The following C8orf88 variants were observed in gnomAD, a reference collection of about 807,000 sequenced individuals.
C8orf88 encodes uncharacterized protein C8orf88.
C8orf88 carries 14 observed loss-of-function variants against 18.4 expected under a neutral mutation model. The observed-to-expected ratio is 0.76, with a 90% CI of 0.50 to 1.19. C8orf88 has a LOEUF of 1.19. C8orf88 is among the 50% of genes most tolerant of loss of function. The pLI, the probability that C8orf88 is intolerant of heterozygous loss-of-function variation, is 0.00. For missense variants in C8orf88, 116 were observed against 134.7 expected, an observed-to-expected ratio of 0.86 and a Z score of 0.69; for synonymous variants, 45 against 42.9, an observed-to-expected ratio of 1.05 and a Z score of -0.19.
intron 3 of C8orf88, among the ~76,000 whole-genome samples, chr8:90,975,308 C>T (rs2129261): frequency 0.74 from 111,715 of 151,968 alleles, 42,027 homozygotes; most frequent in African/African-American, 0.84. Context: ...CTATAAAGTG[C>T]AATATTGACA....
At chr8:90,964,035 TA>T (rs1811162240) in intron 4 of C8orf88, among the ~76,000 whole-genome samples, 1 of 151,746 alleles carries the variant, frequency 6.6e-6, no homozygotes, top group Non-Finnish European at 1.5e-5. Flanking sequence ...TGTTTGACTT[TA>T]TGATGATGTG....
chr8:90,964,228 A>G (rs1811164616), intron 4 of C8orf88, among the ~76,000 whole-genome samples: 2 of 151,680 alleles, frequency 1.3e-5, no homozygotes, highest in African/African-American at 4.8e-5. Flanking sequence ...TCACACATAG[A>G]TACATCATAA....
At chr8:90,962,385 C>G (rs547688302) in intron 4 of C8orf88, among the ~76,000 whole-genome samples, 1 of 151,488 alleles carries the variant, frequency 6.6e-6, no homozygotes, top group Non-Finnish European at 1.5e-5. Flanking sequence ...TAAGTGAAGT[C>G]AGGGAAAATA....
At chr8:90,979,394 C>A (rs1198631147) in intron 2 of C8orf88, among the ~76,000 whole-genome samples, 2 of 152,192 alleles carry the variant, frequency 1.3e-5, no homozygotes, top group Admixed American at 6.5e-5. Context: ...CCCTACACAA[C>A]CGCTTCCACT....
chr8:90,960,886 G>A (rs555515264), intron 4 of C8orf88, 38 bp from the exon 5 acceptor site: 4 of 1,217,128 alleles, frequency 3.3e-6, no homozygotes, highest in African/African-American at 3.0e-5. Flanking sequence ...GTTAGGAAAT[G>A]TAGGGCTGTC....
chr8:90,976,026 T>A (rs1255436805), intron 3 of C8orf88, among the ~76,000 whole-genome samples: 1 of 151,696 alleles, frequency 6.6e-6, no homozygotes, highest in South Asian at 2.1e-4. Context: ...ATATACATGA[T>A]ATTTTTCATT....
chr8:90,983,679 A>G (rs1811465222), intron 1 of C8orf88, among the ~76,000 whole-genome samples: 1 of 152,166 alleles, frequency 6.6e-6, no homozygotes, highest in South Asian at 2.1e-4. Flanking sequence ...TGAGCCATAT[A>G]TGAACGGTGG....
At chr8:90,968,441 A>G (rs1219510793) in intron 4 of C8orf88, among the ~76,000 whole-genome samples, 1 of 151,396 alleles carries the variant, frequency 6.6e-6, no homozygotes, top group African/African-American at 2.4e-5. Flanking sequence ...AAAATAGATA[A>G]AAGACCTAAA....
intron 4 of C8orf88, 111 bp downstream of exon 4, chr8:90,970,955 A>G: frequency 1.7e-6 from 1 of 590,190 alleles, no homozygotes; most frequent in Non-Finnish European, 2.7e-6. Flanking sequence ...CAATCAAAAA[A>G]TATATAATAA....
intron 3 of C8orf88, 91 bp downstream of exon 3, chr8:90,978,488 A>G: frequency 1.6e-6 from 1 of 639,540 alleles, no homozygotes; most frequent in Non-Finnish European, 2.5e-6. Flanking sequence ...TATAAAGTAT[A>G]TAAGCATAGT....
intron 4 of C8orf88, among the ~76,000 whole-genome samples, chr8:90,967,695 T>C (rs1393245671): frequency 6.6e-6 from 1 of 151,798 alleles, no homozygotes; most frequent in African/African-American, 2.4e-5. Context: ...TATCTAGTTT[T>C]TGGCATACAA....
chr8:90,973,192 A>C (rs1265693242), intron 3 of C8orf88, among the ~76,000 whole-genome samples: 1 of 152,178 alleles, frequency 6.6e-6, no homozygotes, highest in Non-Finnish European at 1.5e-5. Context: ...AGGGTATCGA[A>C]CTTGGCTTAG....
chr8:90,980,068 T>C (rs1213517544), intron 2 of C8orf88, among the ~76,000 whole-genome samples: 1 of 152,166 alleles, frequency 6.6e-6, no homozygotes, highest in Non-Finnish European at 1.5e-5. Flanking sequence ...CAGTTTGTAC[T>C]GGGAGTATCA....
In C8orf88 at chr8:90,958,946, T is replaced by C. The variant is rs1586158025; in HGVS notation, c.*61A>G. On this transcript the variant is annotated 3_prime_UTR_variant, in exon 6 of 6. Transcript: ENST00000517562. Reference sequence around the variant, plus strand: ...GAATTGTCACAGTCCATTACAGTTATTGTTGCTAGATCCACCTCATTTGCA... The same window carrying C: ...GAATTGTCACAGTCCATTACAGTTACTGTTGCTAGATCCACCTCATTTGCA... 1.0e-6 allele frequency: 1 copy of C among 1,002,822 alleles called. No homozygotes were observed. The highest frequency in any genetic ancestry group is 2.6e-5 in the Admixed American group (1 of 38,774). 62.1% of individuals were successfully genotyped at this position (1,002,822 alleles called of 1,614,324 possible).
intron 4 of C8orf88, among the ~76,000 whole-genome samples, chr8:90,961,621 G>T (rs1237688593): frequency 6.6e-6 from 1 of 151,310 alleles, no homozygotes; most frequent in African/African-American, 2.4e-5. Context: ...ATTTCTACAG[G>T]CTGAAGGGAA....
chr8:90,964,518 G>GTCTTACAA (rs1488447019), intron 4 of C8orf88, among the ~76,000 whole-genome samples: 28 of 151,740 alleles, frequency 1.8e-4, no homozygotes, highest in African/African-American at 6.8e-4. Context: ...AAATGCTAAA[G>GTCTTACAA]GGAATCCTTC....
At chr8:90,975,898 G>A (rs1811341393) in intron 3 of C8orf88, among the ~76,000 whole-genome samples, 1 of 148,660 alleles carries the variant, frequency 6.7e-6, no homozygotes, top group Admixed American at 6.7e-5. Flanking sequence ...TAAACAAACT[G>A]TTGTATATTT....
chr8:90,985,240 G>A (rs1811490337), upstream of C8orf88: 1 of 149,108 alleles, frequency 6.7e-6, no homozygotes, highest in African/African-American at 2.4e-5. Context: ...GACCGCGGTG[G>A]CGGCGGCGGG....
intron 3 of C8orf88, among the ~76,000 whole-genome samples, chr8:90,971,912 T>A (rs1811289583): frequency 6.6e-6 from 1 of 151,986 alleles, no homozygotes; most frequent in African/African-American, 2.4e-5. Context: ...ACGCAAGACA[T>A]CAAGATTTCT....
Sources: gnomAD v4.1 joint callset for allele counts (sites outside exome capture counted in the v4.1 genomes callset) on GRCh38, gnomAD v4.1.1 for gene constraint, MANE v1.5 for transcripts, NCBI Gene and HGNC (gene_info 2026-07-23, HGNC 2026-07-21) for gene names.